ATXN1: variants seen among roughly 807,000 people sequenced by gnomAD.
The protein encoded by ATXN1 is ataxin-1.
Under a neutral mutation model 56.4 loss-of-function variants are expected in ATXN1, and 8 were observed. That is an observed-to-expected ratio of 0.14 (90% CI 0.08 to 0.26). ATXN1 has a LOEUF of 0.26. Ranked by LOEUF, ATXN1 falls within the 10% of genes least tolerant of loss-of-function variation. The pLI is 1.00. For missense variants in ATXN1, 987 were observed against 1,106.5 expected, an observed-to-expected ratio of 0.89 and a Z score of 1.53; for synonymous variants, 514 against 494.6, an observed-to-expected ratio of 1.04 and a Z score of -0.52.
At chr6:16,449,215 A>G (rs1230906366) in intron 6 of ATXN1, among the ~76,000 whole-genome samples, 1 of 152,188 alleles carries the variant, frequency 6.6e-6, no homozygotes, top group Non-Finnish European at 1.5e-5. Flanking sequence ...ACCCTAGTAC[A>G]GCATGAGTGT....
intron 3 of ATXN1, among the ~76,000 whole-genome samples, chr6:16,647,418 C>T (rs1416312583): frequency 6.6e-6 from 1 of 152,160 alleles, no homozygotes; most frequent in Non-Finnish European, 1.5e-5. Flanking sequence ...AGGAAGTTTG[C>T]CTCAAGAACC....
chr6:16,340,410 G>A (rs1471141235), intron 6 of ATXN1, among the ~76,000 whole-genome samples: 1 of 152,204 alleles, frequency 6.6e-6, no homozygotes, highest in African/African-American at 2.4e-5. Flanking sequence ...TTCACATCAT[G>A]GCTGGGAGGA....
rs1442053725 is a variant in ATXN1 at position 16,327,414 on chromosome 6, G to A, written c.897C>T (p.His299=). 5.6e-6 allele frequency: 9 copies of A among 1,613,636 alleles called. No homozygotes were observed. Among genetic ancestry groups the A allele is most frequent in the East Asian group, 4.5e-5 (2 of 44,890 alleles). The change falls in exon 7 of 8, where the codon CAC becomes CAT. Residue 299 remains histidine, a synonymous_variant. Transcript: ENST00000436367. ...VVMQYADSGS[H]FVPREATKKA... is the part of the protein sequence containing the mutation. ...TCTTGGTGGCCTCCCGAGGGACAAA[G>A]TGGCTGCCGGAGTCGGCGTATTGCA... is the stretch of plus-strand genomic sequence containing the variant.
intron 2 of ATXN1, among the ~76,000 whole-genome samples, chr6:16,676,878 T>C (rs1758672926): frequency 6.6e-6 from 1 of 152,202 alleles, no homozygotes; most frequent in Non-Finnish European, 1.5e-5. Context: ...CTTTTTTTTT[T>C]TCTATTCCAT....
At chr6:16,624,809 T>C (rs1763380262) in intron 3 of ATXN1, among the ~76,000 whole-genome samples, 1 of 152,206 alleles carries the variant, frequency 6.6e-6, no homozygotes, top group Non-Finnish European at 1.5e-5. Context: ...CAGAAAATGC[T>C]ACTACCATAT....
chr6:16,467,325 C>G (rs995714784), intron 6 of ATXN1, among the ~76,000 whole-genome samples: 2 of 152,220 alleles, frequency 1.3e-5, no homozygotes, highest in Non-Finnish European at 2.9e-5. Context: ...GAGGATGCAG[C>G]GATGTGGCCG....
At position 16,327,669 on chromosome 6, in the gene ATXN1, C is replaced by CTGCTGCTGCTGA. The variant is rs1760858324; in HGVS notation, c.641_642insTCAGCAGCAGCA (p.Gln213_Gln214insHisGlnGlnGln). 1.3e-6 allele frequency: 2 copies of CTGCTGCTGCTGA among 1,505,566 alleles called. No individual in the cohort carries two copies. The highest frequency in any genetic ancestry group is 1.8e-6 in the Non-Finnish European group (2 of 1,126,714). 93.3% of individuals were successfully genotyped at this position (1,505,566 alleles called of 1,614,324 possible). ...GCTGCTGCTGCTGCTGCTGCTGCTGCTGCTGCTGATGCTGATGCTGCTGCT... is the reference window on the plus strand; with the variant it reads ...GCTGCTGCTGCTGCTGCTGCTGCTGCTGCTGCTGCTGATGCTGCTGATGCTGATGCTGCTGCT... On this transcript the variant is annotated inframe_insertion, in exon 7 of 8. Coordinates refer to ENST00000436367, the MANE Select transcript of ATXN1 (RefSeq NM_001128164.2).
At chr6:16,541,527 G>A (rs1445243735) in intron 4 of ATXN1, among the ~76,000 whole-genome samples, 2 of 152,222 alleles carry the variant, frequency 1.3e-5, no homozygotes, top group African/African-American at 4.8e-5. Flanking sequence ...CAGGGCAGAA[G>A]AAGTCAAAGT....
intron 7 of ATXN1, among the ~76,000 whole-genome samples, chr6:16,320,919 T>C (rs1471482069): frequency 1.3e-5 from 2 of 152,238 alleles, no homozygotes; most frequent in African/African-American, 2.4e-5. Context: ...ATTGTGCTCA[T>C]TGGAAAAGTT....
chr6:16,435,607 G>C (rs887360118), intron 6 of ATXN1, among the ~76,000 whole-genome samples: 1 of 151,956 alleles, frequency 6.6e-6, no homozygotes, highest in Non-Finnish European at 1.5e-5. Context: ...ACACACAACT[G>C]GTCCAATGAC....
At chr6:16,759,972 C>G (rs530098081) in intron 1 of ATXN1, among the ~76,000 whole-genome samples, 2 of 152,048 alleles carry the variant, frequency 1.3e-5, no homozygotes, top group African/African-American at 2.4e-5. Flanking sequence ...CCTCGCCCCC[C>G]GCCCGGCGCG....
rs1419698633 is a variant in ATXN1 at position 16,382,568 on chromosome 6, G to A, written c.-160-54098C>T. 2.6e-5 allele frequency among the ~76,000 whole-genome samples: 4 copies of A among 152,126 alleles called. No homozygotes were observed. In the South Asian group the frequency reaches 8.3e-4, roughly 32 times the overall value. Reference sequence around the variant, plus strand: ...GAAGTTAGGGGTGGGTGGGGTGAGAGAACAGGAATATTTAAACTATTTTTT... The same window carrying A: ...GAAGTTAGGGGTGGGTGGGGTGAGAAAACAGGAATATTTAAACTATTTTTT... On this transcript the variant is annotated intron_variant, in intron 6 of 7. Transcript: ENST00000436367.
Position 16,299,792 on chromosome 6 carries a change from G to A in ATXN1, c.*6537C>T, listed in dbSNP as rs1760037740. 6.6e-6 allele frequency: 1 copy of A among 152,596 alleles called. No homozygotes were observed. Among genetic ancestry groups the A allele is most frequent in the Non-Finnish European group, 1.5e-5 (1 of 68,042 alleles). 9.5% of individuals were successfully genotyped at this position (152,596 alleles called of 1,614,324 possible). On this transcript the variant is annotated 3_prime_UTR_variant, in exon 8 of 8. Transcript: ENST00000436367. ...CCTCCTTTCGGCTGACACTAATTTG[G>A]GTTTAGAGTTGAGCAGTTCAGGCTG...
intron 5 of ATXN1, among the ~76,000 whole-genome samples, chr6:16,495,577 T>C (rs528651793): frequency 1.3e-5 from 2 of 152,308 alleles, no homozygotes; most frequent in South Asian, 2.1e-4. Context: ...AAAATTAGTA[T>C]TGGGGCTAGG....
At chr6:16,515,578 T>A (rs956708434) in intron 5 of ATXN1, among the ~76,000 whole-genome samples, 1 of 152,186 alleles carries the variant, frequency 6.6e-6, no homozygotes, top group African/African-American at 2.4e-5. Flanking sequence ...CTGACACATG[T>A]GGTGTGACCC....
chr6:16,703,823 CA>C (rs1759344980), intron 2 of ATXN1, among the ~76,000 whole-genome samples: 1 of 152,160 alleles, frequency 6.6e-6, no homozygotes, highest in Non-Finnish European at 1.5e-5. Flanking sequence ...AGTTCGAGAC[CA>C]ATCTGGCCAA....
intron 6 of ATXN1, among the ~76,000 whole-genome samples, chr6:16,348,631 G>A (rs1761495010): frequency 6.6e-6 from 1 of 152,048 alleles, no homozygotes; most frequent in South Asian, 2.1e-4. Flanking sequence ...CGAGGTGGAG[G>A]TTGCAGCGAA....
intron 6 of ATXN1, among the ~76,000 whole-genome samples, chr6:16,484,395 T>C (rs1414976718): frequency 2.0e-5 from 3 of 152,108 alleles, no homozygotes; most frequent in African/African-American, 4.8e-5. Flanking sequence ...GATCTTGCCA[T>C]TGCACTCCAG....
intron 7 of ATXN1, among the ~76,000 whole-genome samples, chr6:16,321,700 TA>T (rs1760656666): frequency 1.3e-5 from 2 of 152,218 alleles, no homozygotes; most frequent in South Asian, 2.1e-4. Flanking sequence ...TTCAGCCCCT[TA>T]AAAATCATCC....
Sources: gnomAD v4.1 joint callset for allele counts (sites outside exome capture counted in the v4.1 genomes callset) on GRCh38, gnomAD v4.1.1 for gene constraint, MANE v1.5 for transcripts, NCBI Gene and HGNC (gene_info 2026-07-23, HGNC 2026-07-21) for gene names.